PRKD2: variants seen among roughly 807,000 people sequenced by gnomAD.
PRKD2 encodes the protein protein kinase D2.
PRKD2 carries 22 observed loss-of-function variants against 86.0 expected under a neutral mutation model. The observed-to-expected ratio is 0.26, with a 90% CI of 0.18 to 0.37. PRKD2 has a LOEUF of 0.37. PRKD2 is among the 10% of genes least tolerant of loss of function. The pLI, the probability that PRKD2 is intolerant of heterozygous loss-of-function variation, is 1.00. For synonymous variants in PRKD2, 509 were observed against 510.9 expected, an observed-to-expected ratio of 1.00 and a Z score of 0.05; for missense variants, 818 against 1,199.2, an observed-to-expected ratio of 0.68 and a Z score of 4.70.
chr19:46,678,673 GCAAGGGATGGAGGCTCCAC>G lies in PRKD2; in HGVS notation c.2071-29_2071-11del. 1 of 1,598,806 alleles carries G rather than the reference GCAAGGGATGGAGGCTCCAC, an allele frequency of 6.3e-7. No individual in the cohort carries two copies. Among genetic ancestry groups the G allele is most frequent in the South Asian group, 1.1e-5 (1 of 90,924 alleles). On this transcript the variant is annotated splice_polypyrimidine_tract_variant and intron_variant, in intron 15 of 17. Coordinates refer to ENST00000291281, the MANE Select transcript of PRKD2 (RefSeq NM_016457.5). The surrounding 1 kb of genome is among the most constrained non-coding windows in gnomAD (Gnocchi z 5.7). Reference sequence around the variant, plus strand: ...AGTCACACAGCTTCACCTGCAGAGGGCAAGGGATGGAGGCTCCACCAGGTGATGGAGCCGCACCCACCCC... The same window carrying G: ...AGTCACACAGCTTCACCTGCAGAGGGCAGGTGATGGAGCCGCACCCACCCC...
At chr19:46,703,893 G>C (rs139064350) in intron 5 of PRKD2, among the ~76,000 whole-genome samples, 2,697 of 151,708 alleles carry the variant, frequency 0.018, 49 homozygotes, top group Middle Eastern at 0.041. Flanking sequence ...GCAGTGAGCC[G>C]TGATTGCGCC....
At position 46,716,313 on chromosome 19, in the gene PRKD2, G is replaced by A; in HGVS notation, c.58C>T (p.Pro20Ser). ...AGCTCTAGGCCGCCGGGGGGCGGAG[G>A]AGACCCCGGCCCGGGAGAGCCAGGG... Reference protein sequence around the residue: ...GLPGSPGPGSPPPPGGLELQS... With the variant: ...GLPGSPGPGSSPPPGGLELQS... The change falls in exon 1 of 18, where the codon CCT (proline) becomes TCT (serine). Residue 20 changes from proline to serine, a missense_variant. By Grantham distance (74) the Pro-to-Ser change is moderately conservative. Around this residue, in one of 5 missense-constraint regions of PRKD2, gnomAD observed 403 missense variants for 518.6 expected, o/e 0.78. Coordinates refer to ENST00000291281, the MANE Select transcript of PRKD2 (RefSeq NM_016457.5). This position sits in a 1 kb window ranked among gnomAD's most constrained non-coding sequence, Gnocchi z 7.9. 6.6e-7 allele frequency: 1 copy of A among 1,517,096 alleles called. No homozygotes were observed. 94.0% of individuals were successfully genotyped at this position (1,517,096 alleles called of 1,614,324 possible). A position where few individuals can be genotyped will look rare whatever the true frequency, so the allele number is the denominator to read the frequency against.
chr19:46,716,003 T>C lies in PRKD2; in HGVS notation c.240+128A>G. The C allele has an allele frequency of 7.3e-7, 1 of 1,378,560 alleles. No homozygotes were observed. Among genetic ancestry groups the C allele is most frequent in the South Asian group, 1.5e-5 (1 of 66,824 alleles). 85.4% of individuals were successfully genotyped at this position (1,378,560 alleles called of 1,614,324 possible). ...GGCAATGGAGGGGGGCAATGCCCCC[T>C]ATCCCTCCATCACCCAAAGCTCAGG... On this transcript the variant is annotated intron_variant, in intron 1 of 17. Coordinates refer to ENST00000291281, the MANE Select transcript of PRKD2 (RefSeq NM_016457.5). This position sits in a 1 kb window ranked among gnomAD's most constrained non-coding sequence, Gnocchi z 7.9.
intron 16 of PRKD2, among the ~76,000 whole-genome samples, chr19:46,676,676 T>G (rs987190685): frequency 1.3e-5 from 2 of 152,164 alleles, no homozygotes; most frequent in African/African-American, 4.8e-5. Context: ...ACCCACAGGA[T>G]TCTGTGATCC....
At chr19:46,711,283 A>AG (rs2053805288) in intron 2 of PRKD2, among the ~76,000 whole-genome samples, 1 of 152,218 alleles carries the variant, frequency 6.6e-6, no homozygotes, top group South Asian at 2.1e-4. Context: ...TTAACGGGCA[A>AG]GGAGCTTCAG....
chr19:46,691,367 G>C (rs1181613199), intron 12 of PRKD2, among the ~76,000 whole-genome samples: 1 of 151,834 alleles, frequency 6.6e-6, no homozygotes, highest in South Asian at 2.1e-4. Context: ...CAGAATCTAC[G>C]AACTAGTTCT....
In PRKD2 at chr19:46,710,963, C is replaced by A; in HGVS notation, c.455G>T (p.Cys152Phe). ...GAAGAGCATCTCCCCGCAGTGATCACAGAAGGCAGGCGCCCGATAGGAGTG... is the reference window on the plus strand; with the variant it reads ...GAAGAGCATCTCCCCGCAGTGATCAAAGAAGGCAGGCGCCCGATAGGAGTG... ...TVHSYRAPAF[C>F]DHCGEMLFGL... Residue 152 changes from cysteine (C) to phenylalanine (F), a missense_variant, in exon 3 of 18, where the codon TGT becomes TTT. Transcript: ENST00000291281. The A allele has an allele frequency of 6.3e-7, 1 of 1,577,624 alleles. No homozygotes were observed. The highest frequency in any genetic ancestry group is 8.6e-7 in the Non-Finnish European group (1 of 1,161,606).
chr19:46,683,797 T>C (rs1312983363), intron 14 of PRKD2, among the ~76,000 whole-genome samples: 3 of 152,204 alleles, frequency 2.0e-5, no homozygotes. Context: ...ACGCTTAGGA[T>C]AGCTAACCAC....
chr19:46,693,010 ACT>A lies in PRKD2; in HGVS notation c.1576+863_1576+864del, dbSNP rs1239559289. ...AAGCTCCAGAGGGTGGGAACCTGGT[ACT>A]CTCTCAACATTTTTTGCCTCTGCCT... is the stretch of plus-strand genomic sequence containing the variant. On this transcript the variant is annotated intron_variant, in intron 10 of 17. Transcript: ENST00000291281. This position sits in a 1 kb window ranked among gnomAD's most constrained non-coding sequence, Gnocchi z 4.5. Among the ~76,000 whole-genome samples the A allele has an allele frequency of 1.3e-5, 2 of 151,744 alleles. No homozygotes were observed. Among genetic ancestry groups the A allele is most frequent in the African/African-American group, 4.8e-5 (2 of 41,286 alleles).
chr19:46,690,089 G>C (rs2053461928), intron 13 of PRKD2, among the ~76,000 whole-genome samples: 1 of 152,136 alleles, frequency 6.6e-6, no homozygotes, highest in African/African-American at 2.4e-5. Flanking sequence ...AGGGTTGCAG[G>C]AGGGAGGAGG....
intron 3 of PRKD2, 30 bp from the exon 4 acceptor site, chr19:46,704,679 T>C (rs1263539140): frequency 3.8e-6 from 6 of 1,569,446 alleles, no homozygotes; most frequent in African/African-American, 1.4e-5. Flanking sequence ...GTAAGAGACA[T>C]GGCGTCTGCC....
intron 5 of PRKD2, among the ~76,000 whole-genome samples, chr19:46,702,031 GTTTTTTGT>G (rs1358091980): frequency 8.2e-6 from 1 of 122,158 alleles, no homozygotes; most frequent in Non-Finnish European, 1.8e-5. Context: ...CTATGATTCT[GTTTTTTGT>G]TTTTTTTTTT....
At position 46,678,705 on chromosome 19, in the gene PRKD2, C is replaced by T. The variant is rs1360915339; in HGVS notation, c.2071-42G>A. ...ATGGAGGCTCCACCAGGTGATGGAG[C>T]CGCACCCACCCCAGCATCCCCACCA... is the stretch of plus-strand genomic sequence containing the variant. On this transcript the variant is annotated intron_variant, in intron 15 of 17. Transcript: ENST00000291281. This position sits in a 1 kb window ranked among gnomAD's most constrained non-coding sequence, Gnocchi z 5.7. 2 of 1,572,460 alleles carry T rather than the reference C, an allele frequency of 1.3e-6. No individual in the cohort carries two copies. Among genetic ancestry groups the T allele is most frequent in the Non-Finnish European group, 1.7e-6 (2 of 1,162,418 alleles).
Position 46,678,373 on chromosome 19 carries a change from TG to T in PRKD2, c.2338+22del. The stretch of plus-strand genomic sequence containing the variant: ...CCCCACCCCACAACCCACCCGCCCA[TG>T]GGGTAGGCGGGCCCCAGGCACCTCC... On this transcript the variant is annotated intron_variant, in intron 16 of 17. Transcript: ENST00000291281. The surrounding 1 kb of genome is among the most constrained non-coding windows in gnomAD (Gnocchi z 5.7). 1.9e-6 allele frequency: 3 copies of T among 1,595,580 alleles called. No homozygotes were observed. Among genetic ancestry groups the T allele is most frequent in the Non-Finnish European group, 2.6e-6 (3 of 1,169,256 alleles).
chr19:46,688,105 G>T (rs1356691455), intron 14 of PRKD2, among the ~76,000 whole-genome samples: 1 of 151,960 alleles, frequency 6.6e-6, no homozygotes, highest in Non-Finnish European at 1.5e-5. Flanking sequence ...GCCTAGGCTG[G>T]TCTCCAACTC....
chr19:46,681,585 C>CA, intron 15 of PRKD2, 65 bp downstream of exon 15: 1 of 432,568 alleles, frequency 2.3e-6, no homozygotes, highest in Non-Finnish European at 4.4e-6. Flanking sequence ...AATCCCCTTC[C>CA]CCACCCCCAC....
intron 16 of PRKD2, among the ~76,000 whole-genome samples, chr19:46,676,331 G>A (rs1190685266): frequency 1.3e-5 from 2 of 152,166 alleles, no homozygotes; most frequent in African/African-American, 4.8e-5. Context: ...AGGAGGCTGA[G>A]GCAGAATCGC....
chr19:46,682,032 A>G (rs2053315743), intron 14 of PRKD2, among the ~76,000 whole-genome samples: 1 of 140,512 alleles, frequency 7.1e-6, no homozygotes, highest in African/African-American at 2.7e-5. Flanking sequence ...TTTGAGGCGG[A>G]GTCTCACTCT....
chr19:46,710,769 A>C, intron 3 of PRKD2, 138 bp downstream of exon 3: 1 of 996,030 alleles, frequency 1.0e-6, no homozygotes, highest in Non-Finnish European at 1.4e-6. Context: ...CCTTCTTCCC[A>C]TTATTACTTC....
Sources: allele counts gnomAD v4.1 joint callset (sites outside exome capture counted in the v4.1 genomes callset), GRCh38; gene constraint gnomAD v4.1.1; regional missense constraint gnomAD v4.1.1; non-coding constraint Gnocchi (gnomAD v3.1); transcripts MANE v1.5; gene names NCBI Gene and HGNC (gene_info 2026-07-23, HGNC 2026-07-21).